TCTN2: variants seen among roughly 807,000 people sequenced by gnomAD.
The protein encoded by TCTN2 is tectonic family member 2, also known as tectonic-2.
Under a neutral mutation model 83.4 loss-of-function variants are expected in TCTN2, and 66 were observed. The observed-to-expected ratio is 0.79, with a 90% CI of 0.65 to 0.97. The LOEUF is 0.97. Ranked by LOEUF, TCTN2 falls within the 50% of genes least tolerant of loss-of-function variation. TCTN2 has a pLI of 0.00. For synonymous variants in TCTN2, 301 were observed against 326.7 expected (o/e 0.92, Z 0.85); for missense variants, 794 against 858.1 (o/e 0.93, Z 0.93).
chr12:123,671,637 G>A lies in TCTN2; in HGVS notation c.190+23G>A, dbSNP rs1955753677. The A allele has an allele frequency of 1.9e-6, 3 of 1,599,508 alleles. No individual in the cohort carries two copies. The East Asian group carries it at 6.7e-5, about 36-fold the overall frequency. ...CGGGTAAAGTCCGGCCCTCTTTTGGGGAGGGTGGGGGTTGGACTGGATCCA... is the reference window on the plus strand; with the variant it reads ...CGGGTAAAGTCCGGCCCTCTTTTGGAGAGGGTGGGGGTTGGACTGGATCCA... On this transcript the variant is annotated intron_variant, in intron 2 of 17. Coordinates refer to ENST00000303372, the MANE Select transcript of TCTN2 (RefSeq NM_024809.5).
rs1321830661 is a variant in TCTN2 at position 123,673,730 on chromosome 12, C to T, written c.383C>T (p.Ser128Phe). 1 of 1,614,198 alleles carries T rather than the reference C, an allele frequency of 6.2e-7. No homozygotes were observed. The highest frequency in any genetic ancestry group is 1.1e-5 in the South Asian group (1 of 91,080). The change falls in exon 4 of 18, where the codon TCT (serine) becomes TTT (phenylalanine). Residue 128 changes from serine to phenylalanine, a missense_variant. Ser to Phe is a radical substitution (Grantham distance 155). Transcript: ENST00000303372. ...CILQTLLVSA[S>F]HNSSCSAHLL... ...CTCCAGACCCTTCTGGTTTCAGCAT[C>T]TCATAATTCATCCTGTTCAGCACAT... is the stretch of plus-strand genomic sequence containing the variant.
At chr12:123,693,376 C>CTTT (rs373196834) in intron 9 of TCTN2, among the ~76,000 whole-genome samples, 36 of 92,934 alleles carry the variant, frequency 3.9e-4, no homozygotes, top group African/African-American at 6.6e-4. Flanking sequence ...GCTTTCTTTC[C>CTTT]TTTTTTTTTT....
intron 4 of TCTN2, among the ~76,000 whole-genome samples, chr12:123,678,175 G>C (rs1439868299): frequency 6.6e-6 from 1 of 152,154 alleles, no homozygotes; most frequent in Non-Finnish European, 1.5e-5. Context: ...TACTCTCGTG[G>C]TCAGACCACA....
chr12:123,704,588 T>C lies in TCTN2; in HGVS notation c.1669T>C (p.Cys557Arg), dbSNP rs577824842. 1.2e-6 allele frequency: 2 copies of C among 1,613,672 alleles called. No homozygotes were observed. Among genetic ancestry groups the C allele is most frequent in the South Asian group, 1.1e-5 (1 of 91,034 alleles). The part of the protein sequence containing the change: ...DPLASSVNGM[C>R]LDIPAHLSIR... ...GCTGGCTAGCAGTGTGAACGGCATG[T>C]GCCTGGATATTCCTGCTCACCTGAG... The change falls in exon 15 of 18, where the codon TGC becomes CGC. Residue 557 changes from cysteine to arginine, a missense_variant. Cys to Arg is a radical substitution (Grantham distance 180, BLOSUM62 -3). Transcript: ENST00000303372.
rs763649240 is a variant in TCTN2 at position 123,704,643 on chromosome 12, C to T, written c.1724C>T (p.Ala575Val). The T allele has an allele frequency of 2.9e-5, 47 of 1,612,618 alleles. No individual in the cohort carries two copies. The highest frequency in any genetic ancestry group is 1.6e-4 in the African/African-American group (12 of 74,374). Residue 575 changes from alanine (A) to valine (V), a missense_variant, in exon 15 of 18, where the codon GCG becomes GTG. Coordinates refer to ENST00000303372, the MANE Select transcript of TCTN2 (RefSeq NM_024809.5). ...SIRILISDAG[A>V]VEGITQQEIL... is the part of the protein sequence containing the mutation. Reference sequence around the variant, plus strand: ...CGCATCCTCATCTCGGATGCTGGCGCGGTGGAAGGGATTACTCAGCAGGAG... The same window carrying T: ...CGCATCCTCATCTCGGATGCTGGCGTGGTGGAAGGGATTACTCAGCAGGAG...
Position 123,708,331 on chromosome 12 carries a change from G to A in TCTN2, c.*618G>A, listed in dbSNP as rs1401248306. On this transcript the variant is annotated 3_prime_UTR_variant, in exon 18 of 18. Transcript: ENST00000303372. ...AAAGACTTTAGACCTTGACTTCAGT[G>A]ATTTGTTGTAGTCTTGTATGCTTCT... 6.5e-6 allele frequency: 1 copy of A among 154,454 alleles called. No individual in the cohort carries two copies. The highest frequency in any genetic ancestry group is 1.4e-5 in the Non-Finnish European group (1 of 69,398). The allele number at this position is 154,454 out of a possible 1,614,324, so 9.6% of individuals were successfully genotyped here. A position where few individuals can be genotyped will look rare whatever the true frequency, so the allele number is the denominator to read the frequency against.
intron 6 of TCTN2, among the ~76,000 whole-genome samples, chr12:123,687,288 G>T (rs970212990): frequency 6.6e-6 from 1 of 152,160 alleles, no homozygotes; most frequent in Non-Finnish European, 1.5e-5. Flanking sequence ...GTGAAGGAGT[G>T]GTGGCTCATG....
intron 4 of TCTN2, among the ~76,000 whole-genome samples, chr12:123,678,702 G>T (rs1955855692): frequency 6.6e-6 from 1 of 152,034 alleles, no homozygotes; most frequent in Admixed American, 6.6e-5. Flanking sequence ...TTATGTTTGG[G>T]TTTTTGTTGG....
intron 7 of TCTN2, among the ~76,000 whole-genome samples, chr12:123,689,703 G>A (rs1439246984): frequency 5.3e-5 from 8 of 152,060 alleles, no homozygotes; most frequent in Admixed American, 3.3e-4. Flanking sequence ...AAAAACAATG[G>A]TTAGATAAAT....
At chr12:123,684,399 CTTTT>C (rs528065302) in intron 5 of TCTN2, among the ~76,000 whole-genome samples, 3 of 127,806 alleles carry the variant, frequency 2.3e-5, no homozygotes, top group Non-Finnish European at 5.1e-5. Context: ...TATTGTCATT[CTTTT>C]TTTTTTTTTT....
chr12:123,694,553 T>C (rs1350072284), intron 9 of TCTN2, among the ~76,000 whole-genome samples: 1 of 152,252 alleles, frequency 6.6e-6, no homozygotes, highest in Non-Finnish European at 1.5e-5. Flanking sequence ...TTTTACCAAG[T>C]GCATGCTCCA....
At chr12:123,701,867 C>G (rs1326831311) in intron 14 of TCTN2, among the ~76,000 whole-genome samples, 1 of 152,066 alleles carries the variant, frequency 6.6e-6, no homozygotes, top group East Asian at 1.9e-4. Context: ...GCAAGTAGCT[C>G]GTACACAAAG....
rs190527453 is a variant in TCTN2, at chr12:123,703,079, T to C, written c.1613-1453T>C. The stretch of plus-strand genomic sequence containing the variant: ...TCATTCAATTTCATTCTCTTCCAAT[T>C]GTATTAATACTATGGTAACACATTA... On this transcript the variant is annotated intron_variant, in intron 14 of 17. Transcript: ENST00000303372. Among the ~76,000 whole-genome samples the C allele has an allele frequency of 2.9e-3, 438 of 152,346 alleles. 2 individuals are homozygous for C. The highest frequency in any genetic ancestry group is 0.01 in the African/African-American group (417 of 41,592).
Position 123,707,780 on chromosome 12 carries a change from C to T in TCTN2, c.*67C>T, listed in dbSNP as rs112214860. On this transcript the variant is annotated 3_prime_UTR_variant, in exon 18 of 18. Coordinates refer to ENST00000303372, the MANE Select transcript of TCTN2 (RefSeq NM_024809.5). ...CTTGTTGCCCAGGCTGAAGTGATCTCGGCTCACCACAACCTCCTCCTCTTG... is the reference window on the plus strand; with the variant it reads ...CTTGTTGCCCAGGCTGAAGTGATCTTGGCTCACCACAACCTCCTCCTCTTG... 2.7e-3 allele frequency: 3,343 copies of T among 1,219,998 alleles called. 68 individuals are homozygous for T. The African/African-American group carries it at 0.042, about 15-fold the overall frequency. 75.6% of individuals were successfully genotyped at this position (1,219,998 alleles called of 1,614,324 possible).
Position 123,686,989 on chromosome 12 carries a change from C to A in TCTN2, c.718C>A (p.Pro240Thr). The change falls in exon 6 of 18, where the codon CCC becomes ACC. Residue 240 changes from proline to threonine, a missense_variant. Physicochemically the swap from Pro to Thr is conservative, Grantham distance 38 (BLOSUM62 -1). Coordinates refer to ENST00000303372, the MANE Select transcript of TCTN2 (RefSeq NM_024809.5). ...GTTTCCCTTTCTGTGTGTGCAGTCC[C>A]CCCTTGCCAACACACCCTTCCTTGG... ...DWFPFLCVQS[P>T]LANTPFLGYF... The A allele has an allele frequency of 1.9e-6, 3 of 1,614,130 alleles. No individual in the cohort carries two copies. Among genetic ancestry groups the A allele is most frequent in the Non-Finnish European group, 2.5e-6 (3 of 1,180,048 alleles).
rs145609899 is a variant in TCTN2, at chr12:123,678,142, T to C, written c.464-1047T>C. 4.1e-3 allele frequency among the ~76,000 whole-genome samples: 631 copies of C among 152,266 alleles called. 4 individuals carry two copies. Among genetic ancestry groups the C allele is most frequent in the Non-Finnish European group, 6.3e-3 (428 of 68,022 alleles). ...GAAGCTGTTGTGTCTCACTGTATCA[T>C]CCCTGCATAACCCAGCCCCCCATAC... On this transcript the variant is annotated intron_variant, in intron 4 of 17. Coordinates refer to ENST00000303372, the MANE Select transcript of TCTN2 (RefSeq NM_024809.5).
chr12:123,679,434 T>C (rs1955866830), intron 5 of TCTN2, 145 bp downstream of exon 5: 1 of 780,838 alleles, frequency 1.3e-6, no homozygotes, highest in Non-Finnish European at 2.2e-6. Context: ...CAATGATGGC[T>C]CACTGCAGCC....
At chr12:123,701,166 T>C (rs112290716) in intron 14 of TCTN2, among the ~76,000 whole-genome samples, 1 of 152,266 alleles carries the variant, frequency 6.6e-6, no homozygotes, top group Middle Eastern at 3.4e-3. Flanking sequence ...AGACCACATA[T>C]TGTATGACTC....
rs35946281 is a variant in TCTN2 at position 123,692,469 on chromosome 12, C to A, written c.1034-189C>A. On this transcript the variant is annotated intron_variant, in intron 8 of 17. Transcript: ENST00000303372. ...GTGTTTGTTGTGGATTTTCTTCCTC[C>A]GTTATAATTAGATGCTAAGAGGATG... Among the ~76,000 whole-genome samples, 54,576 of 151,940 alleles carry A rather than the reference C, an allele frequency of 0.36. 10,282 individuals are homozygous for A. Among genetic ancestry groups the A allele is most frequent in the African/African-American group, 0.41 (17,067 of 41,426 alleles).
Sources: allele counts gnomAD v4.1 joint callset (sites outside exome capture counted in the v4.1 genomes callset), GRCh38; gene constraint gnomAD v4.1.1; transcripts MANE v1.5; gene names NCBI Gene and HGNC (gene_info 2026-07-23, HGNC 2026-07-21).